TSC2: variants seen among roughly 807,000 people sequenced by gnomAD.
TSC2 encodes the protein tuberin.
A neutral mutation model predicts 202.2 loss-of-function variants in TSC2; 29 were observed. The ratio of observed to expected loss-of-function variants is 0.14; its 90% CI spans 0.11 to 0.20. The LOEUF is 0.20. TSC2 is among the 10% of genes least tolerant of loss of function. The pLI is 1.00. For synonymous variants in TSC2, 1,349 were observed against 1,044.0 expected, an observed-to-expected ratio of 1.29 and a Z score of -5.63; for missense variants, 2,429 against 2,420.0, an observed-to-expected ratio of 1.00 and a Z score of -0.08.
chr16:2,084,742 T>C (rs1212548203), intron 34 of TSC2, 27 bp downstream of exon 34: 1 of 1,598,248 alleles, frequency 6.3e-7, no homozygotes, highest in African/African-American at 1.3e-5. Context: ...CGGGCGGGGC[T>C]CCTGACACCT....
rs1001156789 is a variant in TSC2 at position 2,070,337 on chromosome 16, G to C, written c.1717-119G>C. On this transcript the variant is annotated intron_variant, in intron 16 of 41. Transcript: ENST00000219476. ...TGGTGGTCCTGGGTTTGAAGGTCGT[G>C]TGTTTTGAAGCACGCACTCTAGAGC... 1.1e-5 allele frequency: 17 copies of C among 1,560,628 alleles called. 1 individual carries two copies. Among genetic ancestry groups the C allele is most frequent in the African/African-American group, 5.4e-5 (4 of 73,962 alleles).
chr16:2,079,781 G>T lies in TSC2; in HGVS notation c.3397+112G>T, dbSNP rs912097506. The T allele has an allele frequency of 2.7e-6, 3 of 1,105,722 alleles. No individual in the cohort carries two copies. In the South Asian group the frequency reaches 4.6e-5, roughly 17 times the overall value. The allele number at this position is 1,105,722 out of a possible 1,614,324, so 68.5% of individuals were successfully genotyped here. ...CAGGGGCCGGGGTGGCTGGCTTCAG[G>T]CCCGGCCCACGTCCTGACTCTGGGG... On this transcript the variant is annotated intron_variant, in intron 29 of 41. Coordinates refer to ENST00000219476, the MANE Select transcript of TSC2 (RefSeq NM_000548.5). This position sits in a 1 kb window ranked among gnomAD's most constrained non-coding sequence, Gnocchi z 4.6.
chr16:2,069,865 A>G (rs1596333237), intron 16 of TSC2, among the ~76,000 whole-genome samples: 2 of 150,862 alleles, frequency 1.3e-5, no homozygotes, highest in East Asian at 2.0e-4. Context: ...CACCCACTTC[A>G]GCCTCCCAAA....
intron 19 of TSC2, 29 bp from the exon 20 acceptor site, chr16:2,072,212 C>T (rs539239217): frequency 6.2e-7 from 1 of 1,613,530 alleles, no homozygotes; most frequent in Non-Finnish European, 8.5e-7. Flanking sequence ...GTCCAGAAGG[C>T]CCTGTCCTGA....
chr16:2,076,717 G>GCAGGA lies in TSC2; in HGVS notation c.2837+134_2837+138dup. 3.2e-6 allele frequency: 3 copies of GCAGGA among 938,454 alleles called. 1 individual carries two copies. The South Asian group carries it at 4.4e-5, about 14-fold the overall frequency. 58.1% of individuals were successfully genotyped at this position (938,454 alleles called of 1,614,324 possible). On this transcript the variant is annotated intron_variant, in intron 25 of 41. Transcript: ENST00000219476. ...TGTGCCCTGGAGTATGTGAGGCAGGGCAGGACCTGCAAGGGCCGCTAACAC... is the reference window on the plus strand; with the variant it reads ...TGTGCCCTGGAGTATGTGAGGCAGGGCAGGACAGGACCTGCAAGGGCCGCTAACAC...
intron 1 of TSC2, 111 bp downstream of exon 1, chr16:2,048,176 C>G: frequency 6.5e-7 from 1 of 1,536,898 alleles, no homozygotes; most frequent in Non-Finnish European, 8.8e-7. Context: ...CACTGCAACC[C>G]GACTCCGGAG....
At chr16:2,088,352 G>A (rs774805848) in intron 41 of TSC2, 27 bp downstream of exon 41, 2 of 1,612,416 alleles carry the variant, frequency 1.2e-6, no homozygotes, top group Non-Finnish European at 1.7e-6. Flanking sequence ...TCCCTCAGCG[G>A]GGTGTGCTGG....
intron 32 of TSC2, chr16:2,083,375 A>G: frequency 4.0e-6 from 2 of 501,636 alleles, no homozygotes; most frequent in Non-Finnish European, 3.8e-6. Context: ...TTTAGAGCTG[A>G]GGCCCGTCGG....
In TSC2 at chr16:2,087,904, C is replaced by T. The variant is rs878854113; in HGVS notation, c.5031C>T (p.Asp1677=). The T allele has an allele frequency of 5.6e-6, 9 of 1,611,560 alleles. No homozygotes were observed. In the Admixed American group the frequency reaches 1.3e-4, roughly 24 times the overall value. The change falls in exon 39 of 42, where the codon GAC becomes GAT. Residue 1677 remains aspartate (D), a synonymous_variant. Coordinates refer to ENST00000219476, the MANE Select transcript of TSC2 (RefSeq NM_000548.5). ...NFVHVIVTPL[D]YECNLVSLQC... is the part of the protein sequence containing the mutation. ...TCCACGTGATCGTCACCCCGCTGGA[C>T]TACGAGTGCAACCTGGTGTCCCTGC...
chr16:2,069,277 A>T (rs939327427), intron 16 of TSC2, among the ~76,000 whole-genome samples: 19 of 152,042 alleles, frequency 1.2e-4, no homozygotes, highest in African/African-American at 4.6e-4. Context: ...TGTTGCTTTT[A>T]TGTCATAATA....
chr16:2,051,361 C>T (rs954032285), intron 3 of TSC2, among the ~76,000 whole-genome samples: 3 of 151,192 alleles, frequency 2.0e-5, no homozygotes, highest in Non-Finnish European at 4.4e-5. Flanking sequence ...CTGATAGAAA[C>T]GCATGCTCAC....
intron 37 of TSC2, 60 bp from the exon 38 acceptor site, chr16:2,086,672 C>A: frequency 6.2e-7 from 1 of 1,600,282 alleles, no homozygotes. Context: ...TGCCCCAGTG[C>A]AAGGCACAGA....
chr16:2,063,115 C>T, intron 14 of TSC2, 62 bp downstream of exon 14: 2 of 1,535,284 alleles, frequency 1.3e-6, no homozygotes, highest in South Asian at 1.2e-5. Context: ...CGGGCTGTCT[C>T]TGTTGTGCAC....
intron 10 of TSC2, 115 bp from the exon 11 acceptor site, chr16:2,060,555 G>C: frequency 6.4e-7 from 1 of 1,558,574 alleles, no homozygotes; most frequent in Non-Finnish European, 8.8e-7. Context: ...TGATAAACGT[G>C]TGGTGGGCAC....
At chr16:2,075,449 C>T (rs1477680061) in intron 22 of TSC2, among the ~76,000 whole-genome samples, 1 of 148,214 alleles carries the variant, frequency 6.7e-6, no homozygotes, top group Non-Finnish European at 1.5e-5. Context: ...ATGGCGTGAA[C>T]CCAGGGGGTG....
In TSC2 at chr16:2,056,751, C is replaced by A; in HGVS notation, c.756C>A (p.Leu252=). 2 of 1,610,486 alleles carry A rather than the reference C, an allele frequency of 1.2e-6. No homozygotes were observed. The highest frequency in any genetic ancestry group is 2.2e-5 in the South Asian group (2 of 91,052). ...TLCRTINVKE[L]CEPCWKLMRN... is the part of the protein sequence containing the mutation. ...GTCGCACCATCAACGTCAAGGAGCT[C>A]TGCGAGCCTTGCTGGAAGGTGGGGT... is the stretch of plus-strand genomic sequence containing the variant. The change falls in exon 8 of 42, where the codon CTC becomes CTA. Residue 252 remains leucine, a synonymous_variant. Coordinates refer to ENST00000219476, the MANE Select transcript of TSC2 (RefSeq NM_000548.5).
In TSC2 at chr16:2,070,611, G is replaced by A. The variant is rs749183116; in HGVS notation, c.1839+33G>A. On this transcript the variant is annotated intron_variant, in intron 17 of 41. Transcript: ENST00000219476. ...GGCTGGGGTTGCGCAGCCAGTTCCTGGGGGCCCAGCCAGGTATCCCCGTCT... is the reference window on the plus strand; with the variant it reads ...GGCTGGGGTTGCGCAGCCAGTTCCTAGGGGCCCAGCCAGGTATCCCCGTCT... 4.3e-6 allele frequency: 7 copies of A among 1,612,436 alleles called. No homozygotes were observed. In the African/African-American group the frequency reaches 5.3e-5, roughly 12 times the overall value.
At chr16:2,086,554 G>C (rs1209250185) in intron 37 of TSC2, among the ~76,000 whole-genome samples, 175 bp downstream of exon 37, 1 of 152,184 alleles carries the variant, frequency 6.6e-6, no homozygotes, top group African/African-American at 2.4e-5. Context: ...TGGGGCTGGT[G>C]GCTTTGCGTC....
chr16:2,088,158 A>C lies in TSC2; in HGVS notation c.5160+19A>C. The C allele has an allele frequency of 6.2e-7, 1 of 1,613,010 alleles. No homozygotes were observed. Among genetic ancestry groups the C allele is most frequent in the African/African-American group, 1.3e-5 (1 of 75,044 alleles). On this transcript the variant is annotated intron_variant, in intron 40 of 41. Transcript: ENST00000219476. ...CGCAAATGTGAGTGGGGGTGGGTCCAGGCGTGAGCTGGTGGGACAGGCCCA... is the reference window on the plus strand; with the variant it reads ...CGCAAATGTGAGTGGGGGTGGGTCCCGGCGTGAGCTGGTGGGACAGGCCCA...
Sources: gnomAD v4.1 joint callset for allele counts (sites outside exome capture counted in the v4.1 genomes callset) on GRCh38, gnomAD v4.1.1 for gene constraint, Gnocchi (gnomAD v3.1) non-coding constraint, MANE v1.5 for transcripts, NCBI Gene and HGNC (gene_info 2026-07-23, HGNC 2026-07-21) for gene names.